Variants in GABRB1 observed in about 807,000 individuals in gnomAD.
GABRB1 encodes gamma-aminobutyric acid type A receptor subunit beta1, also known as gamma-aminobutyric acid receptor subunit beta-1.
In GABRB1, 17 loss-of-function variants were observed where a neutral mutation model predicts 51.6. The observed-to-expected ratio is 0.33, with a 90% CI of 0.23 to 0.49. The LOEUF (loss-of-function observed/expected upper bound fraction) is 0.49. Among genes scored for constraint, GABRB1 ranks in the 20% least tolerant of loss-of-function variants. The pLI, the probability that GABRB1 is intolerant of heterozygous loss-of-function variation, is 0.99. For synonymous variants in GABRB1, 247 were observed against 218.9 expected, an observed-to-expected ratio of 1.13 and a Z score of -1.14; for missense variants, 410 against 600.6, an observed-to-expected ratio of 0.68 and a Z score of 3.32.
chr4:47,086,636 A>C (rs916158629), intron 3 of GABRB1, among the ~76,000 whole-genome samples: 1 of 152,154 alleles, frequency 6.6e-6, no homozygotes, highest in African/African-American at 2.4e-5. Flanking sequence ...TTAAACAAAA[A>C]CTCATAGTGC....
chr4:47,206,947 A>G (rs1226855711), intron 4 of GABRB1, among the ~76,000 whole-genome samples: 1 of 151,882 alleles, frequency 6.6e-6, no homozygotes, highest in Non-Finnish European at 1.5e-5. Context: ...CTGAATTTAA[A>G]ATTCTATTCA....
chr4:47,261,773 C>T (rs552915760), intron 4 of GABRB1, among the ~76,000 whole-genome samples: 17 of 152,146 alleles, frequency 1.1e-4, no homozygotes, highest in Admixed American at 5.2e-4. Context: ...GGAGGCATCA[C>T]GCTACCTGAC....
At chr4:47,230,303 A>G (rs772864659) in intron 4 of GABRB1, among the ~76,000 whole-genome samples, 23 of 152,134 alleles carry the variant, frequency 1.5e-4, no homozygotes, top group Non-Finnish European at 3.2e-4. Flanking sequence ...AAAGGCATCT[A>G]GGAGGGATGC....
chr4:47,073,319 CTGTT>C (rs1310782255), intron 3 of GABRB1, among the ~76,000 whole-genome samples: 2 of 152,182 alleles, frequency 1.3e-5, no homozygotes, highest in African/African-American at 2.4e-5. Context: ...TTAAGACAAA[CTGTT>C]TGTTTTCCTT....
At chr4:47,212,690 CA>C (rs1239755264) in intron 4 of GABRB1, among the ~76,000 whole-genome samples, 1 of 151,696 alleles carries the variant, frequency 6.6e-6, no homozygotes, top group Non-Finnish European at 1.5e-5. Context: ...AAAACAAAAA[CA>C]AAAAAGAAGA....
At chr4:47,240,300 T>C (rs1721475192) in intron 4 of GABRB1, among the ~76,000 whole-genome samples, 1 of 152,212 alleles carries the variant, frequency 6.6e-6, no homozygotes, top group Non-Finnish European at 1.5e-5. Flanking sequence ...AAATCTTGGC[T>C]GATCACAAAA....
intron 3 of GABRB1, among the ~76,000 whole-genome samples, chr4:47,142,602 T>C (rs1716979868): frequency 6.6e-6 from 1 of 151,952 alleles, no homozygotes; most frequent in Non-Finnish European, 1.5e-5. Flanking sequence ...GAGGGGTAAG[T>C]GAATTGAAGG....
At chr4:47,013,629 G>A (rs1014913143) in intron 1 of GABRB1, among the ~76,000 whole-genome samples, 1 of 152,084 alleles carries the variant, frequency 6.6e-6, no homozygotes, top group Admixed American at 6.6e-5. Context: ...GTTGTCATTT[G>A]GATTTATCTT....
intron 4 of GABRB1, among the ~76,000 whole-genome samples, chr4:47,206,794 G>A (rs1292185894): frequency 6.6e-6 from 1 of 151,476 alleles, no homozygotes; most frequent in Admixed American, 6.6e-5. Context: ...TGTACAGCTA[G>A]AGAATATAAT....
At chr4:46,997,052 T>C (rs890079699) in intron 1 of GABRB1, among the ~76,000 whole-genome samples, 1 of 152,180 alleles carries the variant, frequency 6.6e-6, no homozygotes, top group South Asian at 2.1e-4. Context: ...GTATTTTGCA[T>C]AGGTGGGAAG....
chr4:47,266,528 TC>T (rs973744752), intron 4 of GABRB1, among the ~76,000 whole-genome samples: 1 of 152,196 alleles, frequency 6.6e-6, no homozygotes, highest in African/African-American at 2.4e-5. Flanking sequence ...CTTAATTTCA[TC>T]ATTGACCCAA....
chr4:47,198,297 A>C (rs558652284), intron 4 of GABRB1, among the ~76,000 whole-genome samples: 1 of 152,280 alleles, frequency 6.6e-6, no homozygotes, highest in African/African-American at 2.4e-5. Context: ...ATGTTTCAGT[A>C]CCTCTTAGTG....
At chr4:47,192,709 A>T (rs946773247) in intron 4 of GABRB1, among the ~76,000 whole-genome samples, 1 of 152,220 alleles carries the variant, frequency 6.6e-6, no homozygotes, top group African/African-American at 2.4e-5. Flanking sequence ...TAATCCATTT[A>T]CTTTATTGTA....
chr4:47,357,421 C>G (rs1017457213), intron 5 of GABRB1, among the ~76,000 whole-genome samples: 1 of 152,198 alleles, frequency 6.6e-6, no homozygotes, highest in Admixed American at 6.5e-5. Flanking sequence ...GAACTCCCAG[C>G]ATTCCTGTGT....
chr4:47,083,196 G>A (rs1727924684), intron 3 of GABRB1, among the ~76,000 whole-genome samples: 2 of 152,058 alleles, frequency 1.3e-5, no homozygotes, highest in Admixed American at 6.6e-5. Context: ...TAATTGATGG[G>A]TTCTCAGTGA....
At chr4:47,425,551 A>G in intron 8 of GABRB1, 123 bp from the exon 9 acceptor site, 3 of 721,736 alleles carry the variant, frequency 4.2e-6, no homozygotes. Context: ...AGGGAGGCAC[A>G]TCAAGCCAGA....
At chr4:47,250,673 G>C (rs1283739124) in intron 4 of GABRB1, among the ~76,000 whole-genome samples, 1 of 152,032 alleles carries the variant, frequency 6.6e-6, no homozygotes, top group East Asian at 1.9e-4. Context: ...CTTTATCTTT[G>C]TTGGATTGGA....
chr4:47,251,087 G>A (rs747305303), intron 4 of GABRB1, among the ~76,000 whole-genome samples: 2 of 152,152 alleles, frequency 1.3e-5, no homozygotes, highest in Non-Finnish European at 2.9e-5. Context: ...TGTGTGAGAG[G>A]GAAGGTCTAG....
At chr4:47,041,922 T>G (rs2109489586) in intron 3 of GABRB1, among the ~76,000 whole-genome samples, 1 of 152,162 alleles carries the variant, frequency 6.6e-6, no homozygotes, top group East Asian at 1.9e-4. Flanking sequence ...TATGGAGTCT[T>G]TTCTGCAGTC....
Sources: gnomAD v4.1 joint callset for allele counts (sites outside exome capture counted in the v4.1 genomes callset) on GRCh38, gnomAD v4.1.1 for gene constraint, MANE v1.5 for transcripts, NCBI Gene and HGNC (gene_info 2026-07-23, HGNC 2026-07-21) for gene names.